ZFP2: variants seen among roughly 807,000 people sequenced by gnomAD.
ZFP2 encodes the protein ZFP2 zinc finger protein.
Under a neutral mutation model 36.1 loss-of-function variants are expected in ZFP2, and 33 were observed. The observed-to-expected ratio is 0.92, with a 90% CI of 0.69 to 1.22. The LOEUF (loss-of-function observed/expected upper bound fraction) is 1.22. Ranked by LOEUF, ZFP2 falls within the 50% of genes most tolerant of loss-of-function variation. The pLI is 0.00. For synonymous variants in ZFP2, 170 were observed against 178.0 expected (o/e 0.96, Z 0.36); for missense variants, 522 against 551.4 (o/e 0.95, Z 0.53).
At chr5:178,920,421 G>A (rs534543025) in intron 4 of ZFP2, among the ~76,000 whole-genome samples, 4 of 152,214 alleles carry the variant, frequency 2.6e-5, no homozygotes, top group South Asian at 2.1e-4. Context: ...GGTGGGTCAC[G>A]AGGTTAGGAT....
chr5:178,909,479 T>C (rs1758243412), intron 1 of ZFP2, among the ~76,000 whole-genome samples: 1 of 152,196 alleles, frequency 6.6e-6, no homozygotes, highest in African/African-American at 2.4e-5. Flanking sequence ...GCAGCCTCCA[T>C]ACTAGCATTG....
chr5:178,924,917 C>A (rs1758634890), intron 4 of ZFP2, among the ~76,000 whole-genome samples: 1 of 147,976 alleles, frequency 6.8e-6, no homozygotes, highest in Admixed American at 6.8e-5. Context: ...CAGAACATTG[C>A]TAGTGCCATG....
intron 1 of ZFP2, among the ~76,000 whole-genome samples, chr5:178,906,825 T>C (rs1014922548): frequency 4.6e-5 from 7 of 152,038 alleles, no homozygotes; most frequent in African/African-American, 1.4e-4. Context: ...CCGAAAGTGC[T>C]GGGATTATAG....
At position 178,901,254 on chromosome 5, in the gene ZFP2, T is replaced by C. The variant is rs74577438; in HGVS notation, c.-450+5280T>C. Among the ~76,000 whole-genome samples, 1,649 of 152,342 alleles carry C rather than the reference T, an allele frequency of 0.011. 64 individuals carry two copies. The East Asian group carries it at 0.13, about 12-fold the overall frequency. On this transcript the variant is annotated intron_variant, in intron 1 of 4. Coordinates refer to ENST00000361362, the MANE Select transcript of ZFP2 (RefSeq NM_030613.4). ...GTTTTCCAAAGTATATGTACCATTG[T>C]ACATTCCCTCCTGCAGTATTTGAGA...
chr5:178,903,327 T>A (rs973324282), intron 1 of ZFP2, among the ~76,000 whole-genome samples: 1 of 152,212 alleles, frequency 6.6e-6, no homozygotes, highest in Non-Finnish European at 1.5e-5. Context: ...AATTTAATAT[T>A]TTTTTGAATA....
chr5:178,929,738 C>T (rs756224717), intron 4 of ZFP2, among the ~76,000 whole-genome samples: 1 of 152,176 alleles, frequency 6.6e-6, no homozygotes, highest in East Asian at 1.9e-4. Flanking sequence ...CATCCTTTGC[C>T]TGTTACCCAG....
chr5:178,921,964 A>G, intron 4 of ZFP2: 2 of 559,328 alleles, frequency 3.6e-6, no homozygotes, highest in Non-Finnish European at 3.3e-6. Flanking sequence ...CTTAAGGTGG[A>G]AACATAGGTC....
chr5:178,905,272 T>C (rs1015942115), intron 1 of ZFP2, among the ~76,000 whole-genome samples: 1 of 151,938 alleles, frequency 6.6e-6, no homozygotes, highest in Non-Finnish European at 1.5e-5. Flanking sequence ...TTTAACTCTT[T>C]ACAGACCAAT....
chr5:178,901,037 A>C (rs1758048903), intron 1 of ZFP2, among the ~76,000 whole-genome samples: 1 of 152,260 alleles, frequency 6.6e-6, no homozygotes, highest in Admixed American at 6.5e-5. Context: ...TAAGTAGTAC[A>C]CAGTTGAATA....
In ZFP2 at chr5:178,932,688, AC is replaced by A. The variant is rs1758875574; in HGVS notation, c.1376del (p.Thr459IlefsTer15). 6.3e-7 allele frequency: 1 copy of A among 1,593,216 alleles called. No homozygotes were observed. Among genetic ancestry groups the A allele is most frequent in the African/African-American group, 1.4e-5 (1 of 73,962 alleles). The part of the protein sequence containing the change: ...RSTNLTRHQR[T>X]HT ...TACAAACCTTACACGACATCAAAGA[AC>A]TCATACGTGAGGAATGTTTTCACTG... On this transcript the variant is annotated frameshift_variant, in exon 5 of 5. Coordinates refer to ENST00000361362, the MANE Select transcript of ZFP2 (RefSeq NM_030613.4). LOFTEE classifies it high-confidence loss of function.
intron 1 of ZFP2, among the ~76,000 whole-genome samples, chr5:178,906,204 A>C (rs1243973179): frequency 2.6e-5 from 4 of 152,190 alleles, no homozygotes; most frequent in Non-Finnish European, 4.4e-5. Flanking sequence ...GGGTTTAGGG[A>C]AGCAAGGAAG....
intron 1 of ZFP2, among the ~76,000 whole-genome samples, chr5:178,899,488 G>A (rs191756799): frequency 6.6e-6 from 1 of 152,078 alleles, no homozygotes; most frequent in African/African-American, 2.4e-5. Flanking sequence ...TGGACTGAAG[G>A]GGGCAGTGAC....
rs141847665 is a variant in ZFP2, at chr5:178,896,644, A to G, written c.-450+670A>G. Among the ~76,000 whole-genome samples, 16 of 152,360 alleles carry G rather than the reference A, an allele frequency of 1.1e-4. No individual in the cohort carries two copies. In the East Asian group the frequency reaches 2.5e-3, roughly 24 times the overall value. On this transcript the variant is annotated intron_variant, in intron 1 of 4. Transcript: ENST00000361362. ...TCCTTAAGCGATTTCACTGTAGCAC[A>G]ACTGGAAAATTGAGATTAAAACAAT...
chr5:178,922,444 CT>C, intron 4 of ZFP2: 1 of 1,379,008 alleles, frequency 7.3e-7, no homozygotes, highest in Non-Finnish European at 1.0e-6. Flanking sequence ...TTGTGCCTTA[CT>C]TATGTTTGTT....
chr5:178,932,185 A>G lies in ZFP2; in HGVS notation c.872A>G (p.Asn291Ser). 1 of 1,614,154 alleles carries G rather than the reference A, an allele frequency of 6.2e-7. No individual in the cohort carries two copies. The highest frequency in any genetic ancestry group is 1.1e-5 in the South Asian group (1 of 91,070). The change falls in exon 5 of 5, where the codon AAT becomes AGT. Residue 291 changes from asparagine to serine, a missense_variant. Transcript: ENST00000361362. ...KSSTLTLHQR[N>S]HTGEKPYKCN... The stretch of plus-strand genomic sequence containing the variant: ...TCAACTCTTACCCTACATCAGCGAA[A>G]TCACACTGGAGAAAAACCTTACAAA...
intron 4 of ZFP2, among the ~76,000 whole-genome samples, chr5:178,926,920 C>T (rs1758686638): frequency 6.6e-6 from 1 of 152,154 alleles, no homozygotes; most frequent in African/African-American, 2.4e-5. Context: ...CACTTTTTCT[C>T]TCTTTTCACT....
At position 178,931,501 on chromosome 5, in the gene ZFP2, C is replaced by CA. The variant is rs765624992; in HGVS notation, c.189dup (p.Gln64ThrfsTer12). 6.2e-7 allele frequency: 1 copy of CA among 1,614,138 alleles called. No individual in the cohort carries two copies. Among genetic ancestry groups the CA allele is most frequent in the South Asian group, 1.1e-5 (1 of 91,072 alleles). On this transcript the variant is annotated frameshift_variant, in exon 5 of 5. Coordinates refer to ENST00000361362, the MANE Select transcript of ZFP2 (RefSeq NM_030613.4). LOFTEE classifies it high-confidence loss of function. ...TCCAGTCAGGATTCAATCCTTGATA[C>CA]ACAGCAAAGCATTCCTATGGTAAAA... is the stretch of plus-strand genomic sequence containing the variant.
chr5:178,898,529 G>T (rs1390352394), intron 1 of ZFP2, among the ~76,000 whole-genome samples: 1 of 152,186 alleles, frequency 6.6e-6, no homozygotes, highest in African/African-American at 2.4e-5. Flanking sequence ...TATTTTCATT[G>T]TTGCTGTTGC....
intron 1 of ZFP2, among the ~76,000 whole-genome samples, chr5:178,905,801 G>T (rs1169617812): frequency 6.6e-6 from 1 of 151,680 alleles, no homozygotes; most frequent in Non-Finnish European, 1.5e-5. Context: ...GCCCAGACTG[G>T]ACTACAGTGG....
Sources: allele counts gnomAD v4.1 joint callset (sites outside exome capture counted in the v4.1 genomes callset), GRCh38; gene constraint gnomAD v4.1.1; transcripts MANE v1.5; gene names NCBI Gene and HGNC (gene_info 2026-07-23, HGNC 2026-07-21).